DOK6: variants seen among roughly 807,000 people sequenced by gnomAD.
DOK6 encodes docking protein 6, also known as downstream of tyrosine kinase 6.
Under a neutral mutation model 44.0 loss-of-function variants are expected in DOK6, and 22 were observed. The ratio of observed to expected loss-of-function variants is 0.50; its 90% CI spans 0.36 to 0.71. The LOEUF (loss-of-function observed/expected upper bound fraction) is 0.71. Among genes scored for constraint, DOK6 ranks in the 30% least tolerant of loss-of-function variants. The pLI is 0.00. For synonymous variants in DOK6, 166 were observed against 145.5 expected, an observed-to-expected ratio of 1.14 and a Z score of -1.01; for missense variants, 340 against 416.4, an observed-to-expected ratio of 0.82 and a Z score of 1.60.
At chr18:69,424,482 C>T (rs183572337) in intron 1 of DOK6, among the ~76,000 whole-genome samples, 2 of 152,198 alleles carry the variant, frequency 1.3e-5, no homozygotes, top group East Asian at 3.9e-4. Context: ...ACAAGAATGC[C>T]ATCTATATTT....
At chr18:69,627,175 C>T (rs914917568) in intron 3 of DOK6, among the ~76,000 whole-genome samples, 1 of 152,104 alleles carries the variant, frequency 6.6e-6, no homozygotes, top group African/African-American at 2.4e-5. Context: ...TTTAGAAAAA[C>T]AGCAGTGCCA....
At chr18:69,782,490 C>T (rs962437249) in intron 7 of DOK6, among the ~76,000 whole-genome samples, 1 of 150,720 alleles carries the variant, frequency 6.6e-6, no homozygotes, top group East Asian at 2.0e-4. Flanking sequence ...GGATTACAGG[C>T]GTGAGCCACC....
chr18:69,762,280 G>T (rs1271562034), intron 7 of DOK6, among the ~76,000 whole-genome samples: 1 of 152,168 alleles, frequency 6.6e-6, no homozygotes, highest in Non-Finnish European at 1.5e-5. Context: ...AGTTGAGGCT[G>T]CAGTGAGCCA....
At chr18:69,525,863 A>G (rs1189429530) in intron 1 of DOK6, among the ~76,000 whole-genome samples, 1 of 152,076 alleles carries the variant, frequency 6.6e-6, no homozygotes, top group Non-Finnish European at 1.5e-5. Flanking sequence ...TAAAAACGCT[A>G]CAACTTTTCT....
At chr18:69,813,909 T>C (rs1981319373) in intron 7 of DOK6, among the ~76,000 whole-genome samples, 1 of 152,158 alleles carries the variant, frequency 6.6e-6, no homozygotes, top group Non-Finnish European at 1.5e-5. Context: ...CTCAATGCTA[T>C]TTTCAGAATT....
At chr18:69,484,408 G>A (rs1980514929) in intron 1 of DOK6, among the ~76,000 whole-genome samples, 1 of 152,138 alleles carries the variant, frequency 6.6e-6, no homozygotes, top group African/African-American at 2.4e-5. Flanking sequence ...AAATTTAGAA[G>A]CTATCTTTCT....
intron 3 of DOK6, among the ~76,000 whole-genome samples, chr18:69,632,711 C>T (rs1453890797): frequency 2.0e-5 from 3 of 152,174 alleles, no homozygotes; most frequent in African/African-American, 7.2e-5. Flanking sequence ...AGCCACTTTT[C>T]AATATTTTGT....
chr18:69,431,394 A>C (rs1804017532), intron 1 of DOK6, among the ~76,000 whole-genome samples: 1 of 152,168 alleles, frequency 6.6e-6, no homozygotes, highest in South Asian at 2.1e-4. Context: ...GTAACTTAGC[A>C]ACTCTAGGCA....
intron 7 of DOK6, chr18:69,781,531 A>G (rs1255215985): frequency 6.6e-6 from 1 of 152,190 alleles, no homozygotes; most frequent in Non-Finnish European, 1.5e-5. Context: ...CAAGTAAGTG[A>G]AATTATAGTG....
At chr18:69,819,418 C>A (rs1381380378) in intron 7 of DOK6, among the ~76,000 whole-genome samples, 9 of 152,144 alleles carry the variant, frequency 5.9e-5, no homozygotes, top group Admixed American at 5.9e-4. Context: ...AATATCTCTC[C>A]TGGGGGAACT....
At chr18:69,493,636 A>G (rs1379809928) in intron 1 of DOK6, among the ~76,000 whole-genome samples, 1 of 151,780 alleles carries the variant, frequency 6.6e-6, no homozygotes, top group African/African-American at 2.4e-5. Flanking sequence ...TCAAAATCAT[A>G]GAGATACATA....
intron 5 of DOK6, among the ~76,000 whole-genome samples, chr18:69,731,093 C>A (rs1978384508): frequency 2.0e-5 from 3 of 149,054 alleles, no homozygotes; most frequent in Admixed American, 2.0e-4. Context: ...TTGATAATCC[C>A]AACTAAAAAA....
intron 6 of DOK6, among the ~76,000 whole-genome samples, chr18:69,754,222 T>C (rs1223071168): frequency 6.6e-6 from 1 of 151,864 alleles, no homozygotes. Context: ...CAAAAAAAGT[T>C]TTACACCTGT....
At chr18:69,429,386 G>GA (rs995694578) in intron 1 of DOK6, among the ~76,000 whole-genome samples, 12 of 151,600 alleles carry the variant, frequency 7.9e-5, no homozygotes, top group Non-Finnish European at 1.5e-4. Flanking sequence ...ATGTTAAGAT[G>GA]ATCTAAAATT....
chr18:69,454,867 C>T (rs1000954258), intron 1 of DOK6, among the ~76,000 whole-genome samples: 3 of 140,120 alleles, frequency 2.1e-5, no homozygotes, highest in African/African-American at 8.0e-5. Context: ...AATGAGATCA[C>T]ATGGACACAT....
chr18:69,769,439 G>T (rs1979822596), intron 7 of DOK6, among the ~76,000 whole-genome samples: 1 of 152,112 alleles, frequency 6.6e-6, no homozygotes, highest in Admixed American at 6.6e-5. Context: ...GAAACATCCT[G>T]TGCTTGTATC....
intron 7 of DOK6, among the ~76,000 whole-genome samples, chr18:69,796,430 CAAT>C (rs1156673849): frequency 1.3e-5 from 2 of 152,102 alleles, no homozygotes; most frequent in Non-Finnish European, 2.9e-5. Flanking sequence ...CACAAGAGAG[CAAT>C]TTCTATTCAC....
intron 1 of DOK6, 70 bp downstream of exon 1, chr18:69,401,380 C>A: frequency 7.3e-7 from 1 of 1,369,206 alleles, no homozygotes; most frequent in South Asian, 1.6e-5. Context: ...GGGGGGGGGG[C>A]AGGGAGAGGT....
intron 7 of DOK6, among the ~76,000 whole-genome samples, chr18:69,797,239 C>T (rs546666417): frequency 1.3e-5 from 2 of 152,206 alleles, no homozygotes; most frequent in South Asian, 2.1e-4. Context: ...AGATATAACT[C>T]GTCTAAGATT....
Sources: allele counts gnomAD v4.1 joint callset (sites outside exome capture counted in the v4.1 genomes callset), GRCh38; gene constraint gnomAD v4.1.1; transcripts MANE v1.5; gene names NCBI Gene and HGNC (gene_info 2026-07-23, HGNC 2026-07-21).